The following PGK2 variants were observed in gnomAD, a reference collection of about 807,000 sequenced individuals.
PGK2 encodes phosphoglycerate kinase 2.
In PGK2, 5 loss-of-function variants were observed where a neutral mutation model predicts 5.2. The ratio of observed to expected loss-of-function variants is 0.96; its 90% CI spans 0.50 to 2.01. PGK2 has a LOEUF of 2.01. Ranked by LOEUF, PGK2 falls within the 30% of genes most tolerant of loss-of-function variation. PGK2 has a pLI of 0.01. For synonymous variants in PGK2, 210 were observed against 182.6 expected, an observed-to-expected ratio of 1.15 and a Z score of -1.21; for missense variants, 588 against 506.8, an observed-to-expected ratio of 1.16 and a Z score of -1.54.
In PGK2 at chr6:49,786,102, G is replaced by A. The variant is rs751538516; in HGVS notation, c.1086C>T (p.Ala362=). The part of the protein sequence containing the change: ...TKALMDEIVK[A]TSKGCITVIG... ...TAACAGTGATGCAGCCCTTGGAAGTGGCTTTCACAATTTCATCCATGAGGG... is the reference window on the plus strand; with the variant it reads ...TAACAGTGATGCAGCCCTTGGAAGTAGCTTTCACAATTTCATCCATGAGGG... The change falls in exon 1 of 1, where the codon GCC becomes GCT. Residue 362 remains alanine, a synonymous_variant. Coordinates refer to ENST00000304801, the MANE Select transcript of PGK2 (RefSeq NM_138733.5). 1 of 1,614,100 alleles carries A rather than the reference G, an allele frequency of 6.2e-7. No individual in the cohort carries two copies. Among genetic ancestry groups the A allele is most frequent in the Admixed American group, 1.7e-5 (1 of 59,984 alleles).
At position 49,786,019 on chromosome 6, in the gene PGK2, C is replaced by T. The variant is rs1450629358; in HGVS notation, c.1169G>A (p.Ser390Asn). Residue 390 changes from serine to asparagine, a missense_variant, in exon 1 of 1, where the codon AGC becomes AAC. Ser to Asn is a conservative substitution (Grantham distance 46, BLOSUM62 1). Transcript: ENST00000304801. ...GGCACCGCCTCCAGTGCTGACATGG[C>T]TGACTTTATCTTCAGTGTTCCATTT... is the stretch of plus-strand genomic sequence containing the variant. ...CAKWNTEDKV[S>N]HVSTGGGASL... The T allele has an allele frequency of 3.1e-6, 5 of 1,614,136 alleles. No individual in the cohort carries two copies. Among genetic ancestry groups the T allele is most frequent in the Non-Finnish European group, 4.2e-6 (5 of 1,179,998 alleles).
Position 49,786,213 on chromosome 6 carries a change from A to C in PGK2, c.975T>G (p.Ala325=). 1.2e-6 allele frequency: 2 copies of C among 1,614,144 alleles called. No individual in the cohort carries two copies. Among genetic ancestry groups the C allele is most frequent in the Non-Finnish European group, 1.7e-6 (2 of 1,180,034 alleles). The change falls in exon 1 of 1, where the codon GCT becomes GCG. Residue 325 remains alanine, a synonymous_variant. Coordinates refer to ENST00000304801, the MANE Select transcript of PGK2 (RefSeq NM_138733.5). The part of the protein sequence containing the change: ...DCGPESNKNH[A]QVVAQARLIV... ...TTAGCCTTGCTTGAGCCACAACTTGAGCATGATTCTTGTTGCTCTCAGGAC... is the reference window on the plus strand; with the variant it reads ...TTAGCCTTGCTTGAGCCACAACTTGCGCATGATTCTTGTTGCTCTCAGGAC...
Position 49,785,685 on chromosome 6 carries a change from A to T in PGK2, c.*249T>A. On this transcript the variant is annotated 3_prime_UTR_variant, in exon 1 of 1. Transcript: ENST00000304801. ...TTCAGCTCACTTTCTTTAATAGGCAACTTAAGAATATGTCCTCCCTAGATA... is the reference window on the plus strand; with the variant it reads ...TTCAGCTCACTTTCTTTAATAGGCATCTTAAGAATATGTCCTCCCTAGATA... The T allele has an allele frequency of 7.5e-6, 3 of 402,508 alleles. No individual in the cohort carries two copies. In the South Asian group the frequency reaches 2.4e-4, roughly 32 times the overall value. 24.9% of individuals were successfully genotyped at this position (402,508 alleles called of 1,614,324 possible).
Position 49,786,507 on chromosome 6 carries a change from C to A in PGK2, c.681G>T (p.Met227Ile), listed in dbSNP as rs751955917. 5.6e-6 allele frequency: 9 copies of A among 1,614,120 alleles called. No homozygotes were observed. The highest frequency in any genetic ancestry group is 7.6e-6 in the Non-Finnish European group (9 of 1,180,012). The change falls in exon 1 of 1, where the codon ATG becomes ATT. Residue 227 changes from methionine (M) to isoleucine (I), a missense_variant. Met to Ile is a conservative substitution (Grantham distance 10). Transcript: ENST00000304801. ...VADKIQLIKN[M>I]LDKVNEMIIG... ...TAATCATCTCATTGACTTTGTCCAG[C>A]ATATTTTTGATAAGTTGGATCTTGT...
chr6:49,786,857 G>T lies in PGK2; in HGVS notation c.331C>A (p.Pro111Thr). ...AGCAGGATGACTGAACCAGGAGCTG[G>T]GTTGGCACAGGCTTTCTCCACTTCT... Reference protein sequence around the residue: ...GAEVEKACANPAPGSVILLEN... With the variant: ...GAEVEKACANTAPGSVILLEN... Residue 111 changes from proline to threonine, a missense_variant, in exon 1 of 1, where the codon CCA (proline) becomes ACA (threonine). Coordinates refer to ENST00000304801, the MANE Select transcript of PGK2 (RefSeq NM_138733.5). 1 of 1,614,114 alleles carries T rather than the reference G, an allele frequency of 6.2e-7. No individual in the cohort carries two copies. Among genetic ancestry groups the T allele is most frequent in the Non-Finnish European group, 8.5e-7 (1 of 1,180,010 alleles).
Position 49,786,225 on chromosome 6 carries a change from G to T in PGK2, c.963C>A (p.Asn321Lys). The T allele has an allele frequency of 1.2e-6, 2 of 1,614,120 alleles. No homozygotes were observed. Among genetic ancestry groups the T allele is most frequent in the Admixed American group, 1.7e-5 (1 of 60,010 alleles). ...WMGLDCGPESNKNHAQVVAQA... is the reference protein window; with the variant it reads ...WMGLDCGPESKKNHAQVVAQA... ...GAGCCACAACTTGAGCATGATTCTT[G>T]TTGCTCTCAGGACCACAGTCCAAAC... The change falls in exon 1 of 1, where the codon AAC becomes AAA. Residue 321 changes from asparagine to lysine, a missense_variant. Coordinates refer to ENST00000304801, the MANE Select transcript of PGK2 (RefSeq NM_138733.5).
Position 49,786,742 on chromosome 6 carries a change from G to A in PGK2, c.446C>T (p.Ala149Val), listed in dbSNP as rs747879519. The change falls in exon 1 of 1, where the codon GCC becomes GTC. Residue 149 changes from alanine to valine, a missense_variant. Transcript: ENST00000304801. ...TAGCTTGGAAAGTGATGCTCGGAAGGCTTCTATTTTATCTGGCTCAGCTTT... is the reference window on the plus strand; with the variant it reads ...TAGCTTGGAAAGTGATGCTCGGAAGACTTCTATTTTATCTGGCTCAGCTTT... ...KIKAEPDKIE[A>V]FRASLSKLGD... 1.2e-6 allele frequency: 2 copies of A among 1,614,066 alleles called. No homozygotes were observed. Among genetic ancestry groups the A allele is most frequent in the South Asian group, 1.1e-5 (1 of 91,078 alleles).
At position 49,787,256 on chromosome 6, in the gene PGK2, G is replaced by C. The variant is rs1292068625; in HGVS notation, c.-69C>G. ...TGAAGAACCAACTTGCTGTTGAGGGGCTGGGTCGGTGGTGACTTCTAACGC... is the reference window on the plus strand; with the variant it reads ...TGAAGAACCAACTTGCTGTTGAGGGCCTGGGTCGGTGGTGACTTCTAACGC... On this transcript the variant is annotated 5_prime_UTR_variant, in exon 1 of 1. Coordinates refer to ENST00000304801, the MANE Select transcript of PGK2 (RefSeq NM_138733.5). 1.4e-5 allele frequency: 17 copies of C among 1,228,684 alleles called. No homozygotes were observed. The African/African-American group carries it at 1.8e-4, about 13-fold the overall frequency. The allele number at this position is 1,228,684 out of a possible 1,614,324, so 76.1% of individuals were successfully genotyped here. A position where few individuals can be genotyped will look rare whatever the true frequency, so the allele number is the denominator to read the frequency against.
At position 49,786,599 on chromosome 6, in the gene PGK2, A is replaced by C. The variant is rs1263654532; in HGVS notation, c.589T>G (p.Phe197Val). 1.2e-6 allele frequency: 2 copies of C among 1,614,118 alleles called. No homozygotes were observed. The highest frequency in any genetic ancestry group is 8.5e-7 in the Non-Finnish European group (1 of 1,180,014). ...ACTGGGTTTTCCAAGGCTTTAGCAA[A>C]GTAATCTAGTTCCTTCTTCATCAAG... ...GFLMKKELDYFAKALENPVRP... is the reference protein window; with the variant it reads ...GFLMKKELDYVAKALENPVRP... The change falls in exon 1 of 1, where the codon TTT becomes GTT. Residue 197 changes from phenylalanine to valine, a missense_variant. Coordinates refer to ENST00000304801, the MANE Select transcript of PGK2 (RefSeq NM_138733.5).
chr6:49,786,630 G>A lies in PGK2; in HGVS notation c.558C>T (p.Ser186=), dbSNP rs375933305. ...CTAGTTCCTTCTTCATCAAGAATCC[G>A]GATGCTTTATGGGGCAGATTCACTC... is the stretch of plus-strand genomic sequence containing the variant. ...MVGVNLPHKA[S]GFLMKKELDY... The change falls in exon 1 of 1, where the codon TCC becomes TCT. Residue 186 remains serine, a synonymous_variant. Transcript: ENST00000304801. 3.4e-5 allele frequency: 55 copies of A among 1,613,900 alleles called. No individual in the cohort carries two copies. Among genetic ancestry groups the A allele is most frequent in the East Asian group, 6.7e-5 (3 of 44,870 alleles).
At position 49,786,464 on chromosome 6, in the gene PGK2, A is replaced by G. The variant is rs758731859; in HGVS notation, c.724T>C (p.Tyr242His). The G allele has an allele frequency of 1.2e-6, 2 of 1,614,026 alleles. No individual in the cohort carries two copies. Among genetic ancestry groups the G allele is most frequent in the Admixed American group, 3.3e-5 (2 of 60,002 alleles). Residue 242 changes from tyrosine (Y) to histidine (H), a missense_variant, in exon 1 of 1, where the codon TAT becomes CAT. Transcript: ENST00000304801. ...NEMIIGGGMA[Y>H]TFLKVLNNME... ...TTGTTGAGTACCTTAAGGAAGGTAT[A>G]AGCCATTCCACCACCAATAATCATC... is the stretch of plus-strand genomic sequence containing the variant.
chr6:49,786,738 G>T lies in PGK2; in HGVS notation c.450C>A (p.Phe150Leu). Residue 150 changes from phenylalanine to leucine, a missense_variant, in exon 1 of 1, where the codon TTC (phenylalanine) becomes TTA (leucine). Physicochemically the swap from Phe to Leu is conservative, Grantham distance 22. Coordinates refer to ENST00000304801, the MANE Select transcript of PGK2 (RefSeq NM_138733.5). ...CCCCTAGCTTGGAAAGTGATGCTCG[G>T]AAGGCTTCTATTTTATCTGGCTCAG... is the stretch of plus-strand genomic sequence containing the variant. ...IKAEPDKIEA[F>L]RASLSKLGDV... 6.2e-7 allele frequency: 1 copy of T among 1,614,122 alleles called. No homozygotes were observed. The highest frequency in any genetic ancestry group is 8.5e-7 in the Non-Finnish European group (1 of 1,180,004).
At position 49,786,429 on chromosome 6, in the gene PGK2, A is replaced by T; in HGVS notation, c.759T>A (p.Ile253=). 6.2e-7 allele frequency: 1 copy of T among 1,614,164 alleles called. No individual in the cohort carries two copies. The highest frequency in any genetic ancestry group is 8.5e-7 in the Non-Finnish European group (1 of 1,180,000). The change falls in exon 1 of 1, where the codon ATT becomes ATA. Residue 253 remains isoleucine (I), a synonymous_variant. Transcript: ENST00000304801. ...TFLKVLNNME[I]GASLFDEEGA... ...CCTCTTCATCAAACAGGGAAGCACC[A>T]ATCTCCATGTTGTTGAGTACCTTAA...
In PGK2 at chr6:49,786,780, A is replaced by G. The variant is rs775845168; in HGVS notation, c.408T>C (p.Ser136=). The change falls in exon 1 of 1, where the codon TCT becomes TCC. Residue 136 remains serine, a synonymous_variant. Coordinates refer to ENST00000304801, the MANE Select transcript of PGK2 (RefSeq NM_138733.5). ...VEEEGKGQDP[S]GKKIKAEPDK... ...CTGGCTCAGCTTTAATCTTCTTTCC[A>G]GAGGGATCTTGGCCCTTCCCTTCTT... 9.9e-6 allele frequency: 16 copies of G among 1,614,058 alleles called. No homozygotes were observed. Among genetic ancestry groups the G allele is most frequent in the Non-Finnish European group, 1.4e-5 (16 of 1,180,020 alleles).
rs371825744 is a variant in PGK2, at chr6:49,786,039, C to A, written c.1149G>T (p.Trp383Cys). The A allele has an allele frequency of 3.3e-5, 53 of 1,614,156 alleles. No individual in the cohort carries two copies. The South Asian group carries it at 5.5e-4, about 17-fold the overall frequency. Residue 383 changes from tryptophan to cysteine, a missense_variant, in exon 1 of 1, where the codon TGG becomes TGT. Trp to Cys is a radical substitution (Grantham distance 215). Coordinates refer to ENST00000304801, the MANE Select transcript of PGK2 (RefSeq NM_138733.5). ...CATGGCTGACTTTATCTTCAGTGTTCCATTTGGCACAGCAAGTAGCAGTGT... is the reference window on the plus strand; with the variant it reads ...CATGGCTGACTTTATCTTCAGTGTTACATTTGGCACAGCAAGTAGCAGTGT... ...GGDTATCCAK[W>C]NTEDKVSHVS... is the part of the protein sequence containing the mutation.
Position 49,785,753 on chromosome 6 carries a change from C to T in PGK2, c.*181G>A, listed in dbSNP as rs1769893952. ...AAATGAGAACTTGAACAGGCAAATGCGTGACCAAACTAAAATGAATTGCTG... is the reference window on the plus strand; with the variant it reads ...AAATGAGAACTTGAACAGGCAAATGTGTGACCAAACTAAAATGAATTGCTG... On this transcript the variant is annotated 3_prime_UTR_variant, in exon 1 of 1. Coordinates refer to ENST00000304801, the MANE Select transcript of PGK2 (RefSeq NM_138733.5). 2 of 594,630 alleles carry T rather than the reference C, an allele frequency of 3.4e-6. No individual in the cohort carries two copies. The highest frequency in any genetic ancestry group is 3.0e-6 in the Non-Finnish European group (1 of 336,330). 36.8% of individuals were successfully genotyped at this position (594,630 alleles called of 1,614,324 possible). A position where few individuals can be genotyped will look rare whatever the true frequency, so the allele number is the denominator to read the frequency against.
rs759933654 is a variant in PGK2, at chr6:49,786,676, C to T, written c.512G>A (p.Arg171His). The T allele has an allele frequency of 3.5e-5, 56 of 1,614,092 alleles. No individual in the cohort carries two copies. Among genetic ancestry groups the T allele is most frequent in the Admixed American group, 2.7e-4 (16 of 59,998 alleles). Residue 171 changes from arginine (R) to histidine (H), a missense_variant, in exon 1 of 1, where the codon CGC becomes CAC. Physicochemically the swap from Arg to His is conservative, Grantham distance 29. Coordinates refer to ENST00000304801, the MANE Select transcript of PGK2 (RefSeq NM_138733.5). ...CACTCCCACCATGGAACTATGAGCGCGGTGTGCAGTGCCAAAAGCATCATT... is the reference window on the plus strand; with the variant it reads ...CACTCCCACCATGGAACTATGAGCGTGGTGTGCAGTGCCAAAAGCATCATT... ...YVNDAFGTAH[R>H]AHSSMVGVNL...
chr6:49,787,017 T>A lies in PGK2; in HGVS notation c.171A>T (p.Ala57=). 6.2e-7 allele frequency: 1 copy of A among 1,614,106 alleles called. No homozygotes were observed. The highest frequency in any genetic ancestry group is 8.5e-7 in the Non-Finnish European group (1 of 1,179,984). The change falls in exon 1 of 1, where the codon GCA becomes GCT. Residue 57 remains alanine (A), a synonymous_variant. Transcript: ENST00000304801. ...GACCTAGATGACTCATAAGAACTAC[T>A]GCCTTGGCTCCATTGTCCAGGCAGT... ...IKYCLDNGAK[A]VVLMSHLGRP... is the part of the protein sequence containing the mutation.
In PGK2 at chr6:49,786,943, G is replaced by A. The variant is rs913807039; in HGVS notation, c.245C>T (p.Ala82Val). ...MPDKYSLAPVAVELKSLLGKD... is the reference protein window; with the variant it reads ...MPDKYSLAPVVVELKSLLGKD... ...GCCCAGCAAGGATTTGAGCTCAACA[G>A]CAACAGGTGCTAAGGAATATTTGTC... Residue 82 changes from alanine (A) to valine (V), a missense_variant, in exon 1 of 1, where the codon GCT becomes GTT. Physicochemically the swap from Ala to Val is moderately conservative, Grantham distance 64. Coordinates refer to ENST00000304801, the MANE Select transcript of PGK2 (RefSeq NM_138733.5). The A allele has an allele frequency of 6.2e-7, 1 of 1,614,050 alleles. No individual in the cohort carries two copies. Among genetic ancestry groups the A allele is most frequent in the South Asian group, 1.1e-5 (1 of 91,072 alleles).
Sources: gnomAD v4.1 joint callset for allele counts on GRCh38, gnomAD v4.1.1 for gene constraint, MANE v1.5 for transcripts, NCBI Gene and HGNC (gene_info 2026-07-23, HGNC 2026-07-21) for gene names.